The following MTHFD1L variants were observed in gnomAD, a reference collection of about 807,000 sequenced individuals.
The protein encoded by MTHFD1L is monofunctional C1-tetrahydrofolate synthase, mitochondrial.
In MTHFD1L, 81 loss-of-function variants were observed where a neutral mutation model predicts 119.5. That is an observed-to-expected ratio of 0.68 (90% confidence interval 0.57 to 0.82). MTHFD1L has a LOEUF of 0.82. MTHFD1L is among the 40% of genes least tolerant of loss of function. The pLI is 0.00. For synonymous variants in MTHFD1L, 430 were observed against 475.2 expected, an observed-to-expected ratio of 0.90 and a Z score of 1.24; for missense variants, 1,125 against 1,253.4, an observed-to-expected ratio of 0.90 and a Z score of 1.55.
intron 24 of MTHFD1L, among the ~76,000 whole-genome samples, chr6:151,028,137 A>T (rs186001729): frequency 1.3e-5 from 2 of 152,142 alleles, no homozygotes; most frequent in East Asian, 3.9e-4. Flanking sequence ...CCCAGTTGGG[A>T]TTCATTCGTA....
At chr6:151,018,801 C>T (rs534007426) in intron 24 of MTHFD1L, among the ~76,000 whole-genome samples, 1 of 152,254 alleles carries the variant, frequency 6.6e-6, no homozygotes, top group Non-Finnish European at 1.5e-5. Context: ...GGCACGCAGT[C>T]AGTGTTTACG....
intron 24 of MTHFD1L, among the ~76,000 whole-genome samples, chr6:151,021,771 G>A (rs1032881997): frequency 6.6e-6 from 1 of 152,194 alleles, no homozygotes; most frequent in Admixed American, 6.5e-5. Flanking sequence ...AGACACTGAC[G>A]TTTTTCCTTC....
intron 27 of MTHFD1L, among the ~76,000 whole-genome samples, chr6:151,095,506 TA>T (rs1040516384): frequency 2.7e-4 from 41 of 152,352 alleles, no homozygotes; most frequent in African/African-American, 9.1e-4. Flanking sequence ...AATTATACCT[TA>T]ATCACTGTAG....
chr6:150,990,995 T>C (rs1476302353), intron 20 of MTHFD1L, among the ~76,000 whole-genome samples: 1 of 152,196 alleles, frequency 6.6e-6, no homozygotes, highest in Non-Finnish European at 1.5e-5. Flanking sequence ...TAGCTGGGAT[T>C]ACAGGCACAT....
At chr6:151,049,661 CAAAA>C (rs34116073) in intron 26 of MTHFD1L, among the ~76,000 whole-genome samples, 3 of 111,570 alleles carry the variant, frequency 2.7e-5, no homozygotes, top group Non-Finnish European at 1.8e-5. Context: ...GACTCCATCT[CAAAA>C]AAAAAAAAAA....
intron 26 of MTHFD1L, among the ~76,000 whole-genome samples, chr6:151,080,804 G>T (rs568530333): frequency 6.6e-6 from 1 of 152,130 alleles, no homozygotes; most frequent in African/African-American, 2.4e-5. Context: ...CCTGTATGTC[G>T]TCTTCTCTGT....
At chr6:151,002,091 G>C (rs934001747) in intron 20 of MTHFD1L, among the ~76,000 whole-genome samples, 20 of 152,184 alleles carry the variant, frequency 1.3e-4, no homozygotes, top group Non-Finnish European at 5.9e-5. Flanking sequence ...TTAAATGCTG[G>C]AGTATTATTG....
intron 27 of MTHFD1L, chr6:151,099,603 C>A (rs1380240558): frequency 9.9e-6 from 16 of 1,609,810 alleles, no homozygotes; most frequent in African/African-American, 1.3e-5. Flanking sequence ...ACCAGTCAGA[C>A]CATTATGTCA....
intron 20 of MTHFD1L, among the ~76,000 whole-genome samples, chr6:150,977,811 C>A (rs1186834185): frequency 1.3e-5 from 2 of 152,082 alleles, no homozygotes; most frequent in African/African-American, 4.8e-5. Flanking sequence ...GGGTCACCAG[C>A]CACTGGTGGA....
intron 26 of MTHFD1L, among the ~76,000 whole-genome samples, chr6:151,047,806 C>T (rs1177219252): frequency 6.6e-6 from 1 of 152,182 alleles, no homozygotes; most frequent in East Asian, 1.9e-4. Flanking sequence ...CTGTATTGGT[C>T]TGTTCTCACA....
At chr6:150,927,326 CA>C (rs1484484952) in intron 11 of MTHFD1L, among the ~76,000 whole-genome samples, 1 of 152,038 alleles carries the variant, frequency 6.6e-6, no homozygotes, top group Non-Finnish European at 1.5e-5. Flanking sequence ...AGGTCACACT[CA>C]CATGCTATTG....
Position 150,969,970 on chromosome 6 carries a change from CTA to C in MTHFD1L, c.2014-1975_2014-1974del, listed in dbSNP as rs557806573. ...AGACGTGAACTCTTGTACCCTGATC[CTA>C]TGTTGTCACTCTGGGTTTTATGTAT... On this transcript the variant is annotated intron_variant, in intron 19 of 27. Transcript: ENST00000367321. 1.8e-4 allele frequency among the ~76,000 whole-genome samples: 28 copies of C among 152,304 alleles called. No individual in the cohort carries two copies. In the South Asian group the frequency reaches 3.3e-3, roughly 18 times the overall value.
In MTHFD1L at chr6:150,866,011, C is replaced by T. The variant is rs751082151; in HGVS notation, c.189C>T (p.Pro63=). Residue 63 remains proline (P), a synonymous_variant, in exon 1 of 28, where the codon CCC becomes CCT. Coordinates refer to ENST00000367321, the MANE Select transcript of MTHFD1L (RefSeq NM_015440.5). ...GCCAGGCCCGGAGCAGCTGCAGCCC[C>T]GGCGGCCGAACGCCCGCGGCGCGGG... is the stretch of plus-strand genomic sequence containing the variant. ...QDGQARSSCS[P]GGRTPAARDS... is the part of the protein sequence containing the mutation. The T allele has an allele frequency of 3.5e-5, 49 of 1,389,080 alleles. 2 individuals carry two copies. The South Asian group carries it at 7.2e-4, about 20-fold the overall frequency. The allele number at this position is 1,389,080 out of a possible 1,614,324, so 86.0% of individuals were successfully genotyped here. A position where few individuals can be genotyped will look rare whatever the true frequency, so the allele number is the denominator to read the frequency against.
intron 13 of MTHFD1L, among the ~76,000 whole-genome samples, chr6:150,941,411 C>T (rs1294170297): frequency 1.3e-5 from 2 of 152,156 alleles, no homozygotes; most frequent in East Asian, 1.9e-4. Context: ...GGGATCTTGA[C>T]AGATAACACA....
chr6:150,875,516 G>A (rs1780296660), intron 1 of MTHFD1L, among the ~76,000 whole-genome samples: 1 of 152,082 alleles, frequency 6.6e-6, no homozygotes, highest in Non-Finnish European at 1.5e-5. Context: ...GGCTTTGATA[G>A]TGTTATCAAA....
At chr6:150,910,425 T>C (rs1327436849) in intron 8 of MTHFD1L, among the ~76,000 whole-genome samples, 1 of 151,282 alleles carries the variant, frequency 6.6e-6, no homozygotes, top group Non-Finnish European at 1.5e-5. Context: ...TAGCCGGGCA[T>C]GGTGGCGCAT....
chr6:150,978,630 C>G (rs1270051602), intron 20 of MTHFD1L, among the ~76,000 whole-genome samples: 1 of 152,122 alleles, frequency 6.6e-6, no homozygotes, highest in Non-Finnish European at 1.5e-5. Context: ...GGAAACAAAG[C>G]CTTGTTAATA....
chr6:150,881,062 G>C (rs987221693), intron 4 of MTHFD1L, among the ~76,000 whole-genome samples: 2 of 152,000 alleles, frequency 1.3e-5, no homozygotes, highest in Non-Finnish European at 1.5e-5. Flanking sequence ...TTGATTGTTT[G>C]CTTTGCTATG....
intron 2 of MTHFD1L, among the ~76,000 whole-genome samples, chr6:150,877,298 C>T (rs1451888617): frequency 5.9e-5 from 9 of 152,176 alleles, no homozygotes; most frequent in African/African-American, 1.7e-4. Context: ...AGCAATCCAC[C>T]GCCTCAGCCT....
Sources: gnomAD v4.1 joint callset for allele counts (sites outside exome capture counted in the v4.1 genomes callset) on GRCh38, gnomAD v4.1.1 for gene constraint, MANE v1.5 for transcripts, NCBI Gene and HGNC (gene_info 2026-07-23, HGNC 2026-07-21) for gene names.